The following TRPC3 variants were observed in gnomAD, a reference collection of about 807,000 sequenced individuals.
The protein encoded by TRPC3 is short transient receptor potential channel 3.
TRPC3 carries 54 observed loss-of-function variants against 90.9 expected under a neutral mutation model. That is an observed-to-expected ratio of 0.59 (90% confidence interval 0.48 to 0.75). TRPC3 has a LOEUF of 0.75. Among genes scored for constraint, TRPC3 ranks in the 30% least tolerant of loss-of-function variants. TRPC3 has a pLI of 0.00. For missense variants in TRPC3, 918 were observed against 1,194.5 expected (o/e 0.77, Z 3.41); for synonymous variants, 424 against 450.9 (o/e 0.94, Z 0.75).
At position 121,932,172 on chromosome 4, in the gene TRPC3, C is replaced by T; in HGVS notation, c.987+99G>A. 6.5e-7 allele frequency: 1 copy of T among 1,526,854 alleles called. No individual in the cohort carries two copies. The highest frequency in any genetic ancestry group is 8.8e-7 in the Non-Finnish European group (1 of 1,135,190). 94.6% of individuals were successfully genotyped at this position (1,526,854 alleles called of 1,614,324 possible). The stretch of plus-strand genomic sequence containing the variant: ...CCCTCGTGATTTCACATTCACTGGG[C>T]AAAACCGAATGTGGAGCGAACGGTG... On this transcript the variant is annotated intron_variant, in intron 2 of 11. Coordinates refer to ENST00000379645, the MANE Select transcript of TRPC3 (RefSeq NM_001130698.2). This position sits in a 1 kb window ranked among gnomAD's most constrained non-coding sequence, Gnocchi z 7.7.
chr4:121,880,618 C>A (rs1727910423), intron 11 of TRPC3, among the ~76,000 whole-genome samples: 1 of 150,838 alleles, frequency 6.6e-6, no homozygotes. Flanking sequence ...AAACTGGATT[C>A]TCTTCAAGGA....
At chr4:121,902,198 T>C (rs1560694106) in intron 9 of TRPC3, among the ~76,000 whole-genome samples, 1 of 152,318 alleles carries the variant, frequency 6.6e-6, no homozygotes, top group East Asian at 1.9e-4. Flanking sequence ...GTCTGCCTCA[T>C]TCCCTATTAT....
chr4:121,941,484 C>A (rs548157510), intron 1 of TRPC3, among the ~76,000 whole-genome samples: 10 of 152,054 alleles, frequency 6.6e-5, no homozygotes, highest in Non-Finnish European at 1.3e-4. Flanking sequence ...GAGAAAAGCA[C>A]AGAAGTGGGG....
chr4:121,900,006 G>A (rs755918400), intron 9 of TRPC3, among the ~76,000 whole-genome samples: 2 of 152,092 alleles, frequency 1.3e-5, no homozygotes, highest in Non-Finnish European at 2.9e-5. Context: ...TTATCAAAAT[G>A]TACTCAAGGC....
chr4:121,892,498 A>C (rs1728363593), intron 10 of TRPC3, among the ~76,000 whole-genome samples: 1 of 152,194 alleles, frequency 6.6e-6, no homozygotes, highest in Non-Finnish European at 1.5e-5. Context: ...AAAGCCATTC[A>C]TGATGCAGTA....
intron 3 of TRPC3, among the ~76,000 whole-genome samples, chr4:121,922,881 G>A (rs1214707349): frequency 6.6e-6 from 1 of 152,186 alleles, no homozygotes; most frequent in Non-Finnish European, 1.5e-5. Context: ...TAATTATCTT[G>A]TAACATACTT....
chr4:121,919,875 T>C (rs1425267284), intron 3 of TRPC3, among the ~76,000 whole-genome samples: 1 of 152,192 alleles, frequency 6.6e-6, no homozygotes, highest in Non-Finnish European at 1.5e-5. Flanking sequence ...CTAGTATCTT[T>C]TGTCAAAAAC....
intron 10 of TRPC3, among the ~76,000 whole-genome samples, chr4:121,893,573 A>G (rs970957980): frequency 5.9e-5 from 9 of 152,284 alleles, no homozygotes; most frequent in African/African-American, 2.2e-4. Flanking sequence ...AAAATATTAA[A>G]TAATCTCCTA....
Position 121,925,143 on chromosome 4 carries a change from G to C in TRPC3, c.1051C>G (p.Arg351Gly). ...ATGGCTTCTACCTCTTCTGAGTCTC[G>C]GCAGAGATCCAGCACACCCACTACA... Reference protein sequence around the residue: ...DFVVGVLDLCRDSEEVEAILN... With the variant: ...DFVVGVLDLCGDSEEVEAILN... Residue 351 changes from arginine to glycine, a missense_variant, in exon 3 of 12, where the codon CGA (arginine) becomes GGA (glycine). Around this residue, in one of 4 missense-constraint regions of TRPC3, gnomAD observed 609 missense variants for 725.9 expected, o/e 0.84. Coordinates refer to ENST00000379645, the MANE Select transcript of TRPC3 (RefSeq NM_001130698.2). 1.2e-6 allele frequency: 2 copies of C among 1,613,984 alleles called. No homozygotes were observed. Among genetic ancestry groups the C allele is most frequent in the Non-Finnish European group, 1.7e-6 (2 of 1,179,994 alleles).
chr4:121,902,798 G>GA lies in TRPC3; in HGVS notation c.2463+53dup, dbSNP rs559269234. ...TTATTGAACAAACATCAGAAGACAA[G>GA]AAAAAAAAGACAGAACATTTATTTT... On this transcript the variant is annotated intron_variant, in intron 9 of 11. Transcript: ENST00000379645. The GA allele has an allele frequency of 1.0e-4, 136 of 1,363,226 alleles. No individual in the cohort carries two copies. In the East Asian group the frequency reaches 1.6e-3, roughly 16 times the overall value. The allele number at this position is 1,363,226 out of a possible 1,614,324, so 84.4% of individuals were successfully genotyped here.
At chr4:121,907,636 C>A in intron 6 of TRPC3, 69 bp from the exon 7 acceptor site, 1 of 1,506,964 alleles carries the variant, frequency 6.6e-7, no homozygotes, top group East Asian at 2.3e-5. Flanking sequence ...AAAGCAAATA[C>A]CTTAAATAGG....
At chr4:121,881,044 G>C (rs1391263954) in intron 11 of TRPC3, among the ~76,000 whole-genome samples, 1 of 151,746 alleles carries the variant, frequency 6.6e-6, no homozygotes, top group Non-Finnish European at 1.5e-5. Flanking sequence ...GCAGACTTCA[G>C]TGGAAGGAGT....
chr4:121,897,756 G>A (rs900838450), intron 10 of TRPC3, among the ~76,000 whole-genome samples: 4 of 151,952 alleles, frequency 2.6e-5, no homozygotes, highest in Non-Finnish European at 4.4e-5. Context: ...GATTTTCCAA[G>A]AACTACAAAT....
intron 10 of TRPC3, among the ~76,000 whole-genome samples, chr4:121,897,453 C>CAAAAAAAAAAAAAAAAAAAAA (rs70950860): frequency 4.6e-5 from 2 of 43,434 alleles, no homozygotes; most frequent in African/African-American, 9.0e-5. Flanking sequence ...ATCTCAACAG[C>CAAAAAAAAAAAAAAAAAAAAA]AAAAAAAAAA....
chr4:121,928,706 A>T (rs1218643227), intron 2 of TRPC3, among the ~76,000 whole-genome samples: 2 of 152,216 alleles, frequency 1.3e-5, no homozygotes, highest in Non-Finnish European at 2.9e-5. Flanking sequence ...GCAGAACTTA[A>T]AACCCTAAGG....
intron 1 of TRPC3, among the ~76,000 whole-genome samples, chr4:121,945,277 G>A (rs7662117): frequency 0.12 from 18,137 of 152,134 alleles, 2,586 homozygotes; most frequent in African/African-American, 0.34. Context: ...AATCATAGGA[G>A]TGTATCATAG....
intron 3 of TRPC3, among the ~76,000 whole-genome samples, chr4:121,923,657 T>C (rs1231550901): frequency 6.6e-6 from 1 of 152,226 alleles, no homozygotes; most frequent in Non-Finnish European, 1.5e-5. Flanking sequence ...GGTACAACTA[T>C]TGTCTTCACT....
At chr4:121,918,686 T>C (rs1024832787) in intron 3 of TRPC3, among the ~76,000 whole-genome samples, 1 of 151,930 alleles carries the variant, frequency 6.6e-6, no homozygotes, top group African/African-American at 2.4e-5. Flanking sequence ...AATTCTACTC[T>C]TTTTTTTGAG....
At chr4:121,887,298 G>A (rs542518714) in intron 10 of TRPC3, among the ~76,000 whole-genome samples, 4 of 152,178 alleles carry the variant, frequency 2.6e-5, no homozygotes, top group South Asian at 2.1e-4. Flanking sequence ...AGCATGTAGC[G>A]TTATGTGAAT....
Sources: allele counts gnomAD v4.1 joint callset (sites outside exome capture counted in the v4.1 genomes callset), GRCh38; gene constraint gnomAD v4.1.1; regional missense constraint gnomAD v4.1.1; non-coding constraint Gnocchi (gnomAD v3.1); transcripts MANE v1.5; gene names NCBI Gene and HGNC (gene_info 2026-07-23, HGNC 2026-07-21).